The following ARHGEF28 variants were observed in gnomAD, a reference collection of about 807,000 sequenced individuals.
ARHGEF28 encodes Rho guanine nucleotide exchange factor 28, also known as 190 kDa guanine nucleotide exchange factor.
A neutral mutation model predicts 206.6 loss-of-function variants in ARHGEF28; 152 were observed. That is an observed-to-expected ratio of 0.74 (90% CI 0.64 to 0.84). ARHGEF28 has a LOEUF of 0.84. Ranked by LOEUF, ARHGEF28 falls within the 40% of genes least tolerant of loss-of-function variation. The pLI is 0.00. For synonymous variants in ARHGEF28, 763 were observed against 776.4 expected, an observed-to-expected ratio of 0.98 and a Z score of 0.29; for missense variants, 2,028 against 2,073.2, an observed-to-expected ratio of 0.98 and a Z score of 0.42.
At chr5:73,655,057 G>A (rs1325817901) in intron 1 of ARHGEF28, among the ~76,000 whole-genome samples, 1 of 152,208 alleles carries the variant, frequency 6.6e-6, no homozygotes, top group Non-Finnish European at 1.5e-5. Flanking sequence ...TCTGTACAGT[G>A]GCCTATTCAC....
intron 4 of ARHGEF28, among the ~76,000 whole-genome samples, chr5:73,753,934 G>T (rs926246434): frequency 2.6e-5 from 4 of 152,180 alleles, no homozygotes; most frequent in Non-Finnish European, 4.4e-5. Context: ...CTCCCAAAGT[G>T]CTGGGATTAC....
intron 22 of ARHGEF28, among the ~76,000 whole-genome samples, chr5:73,879,676 T>C (rs1364116599): frequency 3.9e-5 from 6 of 152,140 alleles, no homozygotes; most frequent in African/African-American, 1.2e-4. Context: ...CTGTTGGAGT[T>C]TGCTAGAGGT....
intron 2 of ARHGEF28, among the ~76,000 whole-genome samples, chr5:73,693,439 GC>G (rs953033553): frequency 1.3e-5 from 2 of 152,152 alleles, no homozygotes; most frequent in Non-Finnish European, 2.9e-5. Flanking sequence ...CTCACAAGAA[GC>G]CAGACCTATT....
At chr5:73,667,851 T>G (rs1046573051) in intron 1 of ARHGEF28, among the ~76,000 whole-genome samples, 19 of 152,242 alleles carry the variant, frequency 1.2e-4, no homozygotes, top group African/African-American at 2.4e-5. Flanking sequence ...CCTAGTTCAT[T>G]GCTATTAAAT....
chr5:73,814,752 T>G (rs559960829), intron 9 of ARHGEF28, among the ~76,000 whole-genome samples: 19 of 152,280 alleles, frequency 1.2e-4, no homozygotes, highest in African/African-American at 3.8e-4. Context: ...CTAGCAGTTG[T>G]CAGCAAACCA....
intron 1 of ARHGEF28, among the ~76,000 whole-genome samples, chr5:73,661,663 G>A (rs1745605444): frequency 6.6e-6 from 1 of 151,952 alleles, no homozygotes; most frequent in Non-Finnish European, 1.5e-5. Flanking sequence ...TTTCAATATT[G>A]TGTCTCAGGG....
At chr5:73,629,630 C>G (rs1380294980) in intron 1 of ARHGEF28, among the ~76,000 whole-genome samples, 3 of 151,790 alleles carry the variant, frequency 2.0e-5, no homozygotes, top group African/African-American at 7.3e-5. Context: ...ATCTCAGGCA[C>G]AATAGTAATT....
chr5:73,915,312 T>C lies in ARHGEF28; in HGVS notation c.4948+3737T>C, dbSNP rs184107781. 2.6e-5 allele frequency among the ~76,000 whole-genome samples: 4 copies of C among 152,348 alleles called. No individual in the cohort carries two copies. The East Asian group carries it at 7.7e-4, about 29-fold the overall frequency. On this transcript the variant is annotated intron_variant, in intron 35 of 35. Transcript: ENST00000513042. ...CTCATAAGGGATATTTTCTTAAAAA[T>C]ATTTTGTTTCTCCAATGTTGCCTAA... is the stretch of plus-strand genomic sequence containing the variant.
intron 1 of ARHGEF28, among the ~76,000 whole-genome samples, chr5:73,666,124 A>G: frequency 6.6e-6 from 1 of 152,198 alleles, no homozygotes; most frequent in African/African-American, 2.4e-5. Flanking sequence ...CCTTTCCAAG[A>G]GGGAAAAGAA....
chr5:73,680,434 CAAAAAAAAAA>C (rs71615795), intron 1 of ARHGEF28, among the ~76,000 whole-genome samples: 9 of 30,512 alleles, frequency 2.9e-4, no homozygotes, highest in Admixed American at 5.6e-4. Flanking sequence ...GACTCCATCT[CAAAAAAAAAA>C]AAAAAAAAAA....
At chr5:73,880,268 A>G (rs1245317080) in intron 22 of ARHGEF28, among the ~76,000 whole-genome samples, 1 of 152,182 alleles carries the variant, frequency 6.6e-6, no homozygotes, top group Non-Finnish European at 1.5e-5. Context: ...GCCGTTTCCT[A>G]AGCCCGTCGG....
intron 29 of ARHGEF28, among the ~76,000 whole-genome samples, chr5:73,897,340 C>A (rs1378898317): frequency 6.6e-6 from 1 of 152,182 alleles, no homozygotes; most frequent in African/African-American, 2.4e-5. Context: ...AAACTCCCCT[C>A]TTAGTTGTCA....
At chr5:73,775,142 C>T (rs1464753303) in intron 5 of ARHGEF28, among the ~76,000 whole-genome samples, 1 of 152,228 alleles carries the variant, frequency 6.6e-6, no homozygotes, top group Non-Finnish European at 1.5e-5. Context: ...GGCAAGAACA[C>T]TTCCTTTGAC....
chr5:73,782,908 A>AT (rs1561400430), intron 7 of ARHGEF28, among the ~76,000 whole-genome samples: 2 of 152,138 alleles, frequency 1.3e-5, no homozygotes, highest in Admixed American at 6.5e-5. Context: ...TGCTGACTGC[A>AT]TTTTTTATAT....
chr5:73,738,380 T>A (rs2112367780), intron 2 of ARHGEF28, among the ~76,000 whole-genome samples: 1 of 152,288 alleles, frequency 6.6e-6, no homozygotes, highest in East Asian at 1.9e-4. Flanking sequence ...GATCTCTAAA[T>A]TGTACATTTC....
chr5:73,863,345 A>T (rs555308824), intron 16 of ARHGEF28: 1 of 151,990 alleles, frequency 6.6e-6, no homozygotes, highest in East Asian at 1.9e-4. Flanking sequence ...AATTTTTCTG[A>T]TCTCTTCCTT....
intron 1 of ARHGEF28, among the ~76,000 whole-genome samples, chr5:73,675,348 T>A (rs1382281124): frequency 6.6e-6 from 1 of 152,024 alleles, no homozygotes; most frequent in Non-Finnish European, 1.5e-5. Flanking sequence ...TTAATGTGAA[T>A]CTCCTTAAAA....
intron 35 of ARHGEF28, among the ~76,000 whole-genome samples, chr5:73,937,927 GA>G (rs1164565457): frequency 1.1e-4 from 17 of 152,214 alleles, no homozygotes; most frequent in African/African-American, 4.1e-4. Context: ...TAATTTCAAA[GA>G]CAGACTGTCT....
chr5:73,912,002 A>G (rs1762935247), intron 35 of ARHGEF28, among the ~76,000 whole-genome samples: 1 of 152,138 alleles, frequency 6.6e-6, no homozygotes, highest in African/African-American at 2.4e-5. Flanking sequence ...AATTTCCTGT[A>G]ACGTTAGTGA....
Sources: gnomAD v4.1 joint callset for allele counts (sites outside exome capture counted in the v4.1 genomes callset) on GRCh38, gnomAD v4.1.1 for gene constraint, MANE v1.5 for transcripts, NCBI Gene and HGNC (gene_info 2026-07-23, HGNC 2026-07-21) for gene names.